Variants in TNC observed in about 807,000 individuals in gnomAD.
TNC encodes tenascin C.
In TNC, 109 loss-of-function variants were observed where a neutral mutation model predicts 202.4. The ratio of observed to expected loss-of-function variants is 0.54; its 90% confidence interval spans 0.46 to 0.63. The LOEUF (loss-of-function observed/expected upper bound fraction) is 0.63. Ranked by LOEUF, TNC falls within the 30% of genes least tolerant of loss-of-function variation. TNC has a pLI of 0.00. For synonymous variants in TNC, 1,007 were observed against 1,089.7 expected (o/e 0.92, Z 1.50); for missense variants, 2,756 against 2,833.3 (o/e 0.97, Z 0.62).
At chr9:115,034,111 A>G (rs545301870) in intron 22 of TNC, among the ~76,000 whole-genome samples, 3 of 152,218 alleles carry the variant, frequency 2.0e-5, no homozygotes, top group Non-Finnish European at 4.4e-5. Flanking sequence ...TTCAGATGGT[A>G]GGCTGAGGTT....
chr9:115,047,257 T>G lies in TNC; in HGVS notation c.4853-575A>C, dbSNP rs556094267. ...ACCCTTGACTTTTTTTTTTTTTTTT[T>G]GCATTCTTTCTTGTTATTTTATTAA... is the stretch of plus-strand genomic sequence containing the variant. On this transcript the variant is annotated intron_variant, in intron 16 of 27. Coordinates refer to ENST00000350763, the MANE Select transcript of TNC (RefSeq NM_002160.4). Among the ~76,000 whole-genome samples the G allele has an allele frequency of 1.6e-4, 24 of 149,892 alleles. No homozygotes were observed. In the South Asian group the frequency reaches 5.0e-3, roughly 31 times the overall value.
At chr9:115,035,100 A>G (rs1830218162) in intron 22 of TNC, 104 bp downstream of exon 22, 2 of 1,349,542 alleles carry the variant, frequency 1.5e-6, no homozygotes, top group African/African-American at 1.5e-5. Context: ...TCAGCTCCCC[A>G]GATGCACTGG....
chr9:115,064,519 CACAATTAG>C, intron 11 of TNC, 120 bp downstream of exon 11: 1 of 1,232,526 alleles, frequency 8.1e-7, no homozygotes, highest in South Asian at 1.5e-5. Flanking sequence ...GGCCTCGTGT[CACAATTAG>C]ACCCCATAGA....
Position 115,090,623 on chromosome 9 carries a change from C to A in TNC, c.396G>T (p.Leu132=). 4 of 1,608,896 alleles carry A rather than the reference C, an allele frequency of 2.5e-6. No individual in the cohort carries two copies. Among genetic ancestry groups the A allele is most frequent in the South Asian group, 2.2e-5 (2 of 90,350 alleles). Residue 132 remains leucine, a synonymous_variant, in exon 2 of 28, where the codon CTG becomes CTT. Coordinates refer to ENST00000350763, the MANE Select transcript of TNC (RefSeq NM_002160.4). ...TACATTGCTCCCTCAGGGAAGACAC[C>A]AGGTTCTCCAGCTCCTCCAGTCTGC... ...LLSRLEELEN[L]VSSLREQCTA...
intron 6 of TNC, 119 bp downstream of exon 6, chr9:115,081,652 TA>T: frequency 1.6e-6 from 2 of 1,212,296 alleles, no homozygotes; most frequent in Admixed American, 2.1e-5. Flanking sequence ...TCTGGATTTT[TA>T]AAAATGCAGC....
At chr9:115,060,258 C>T (rs778492098) in intron 13 of TNC, among the ~76,000 whole-genome samples, 2 of 152,098 alleles carry the variant, frequency 1.3e-5, no homozygotes, top group Non-Finnish European at 2.9e-5. Context: ...AATGCACAAC[C>T]CACCGGGAGC....
intron 2 of TNC, among the ~76,000 whole-genome samples, chr9:115,087,879 A>AT (rs1399428188): frequency 2.7e-5 from 4 of 150,896 alleles, no homozygotes; most frequent in East Asian, 3.9e-4. Context: ...TTTTTTTTGC[A>AT]TTTTTTGTAG....
At chr9:115,062,877 G>A (rs1192353000) in intron 13 of TNC, 40 bp downstream of exon 13, 2 of 1,586,542 alleles carry the variant, frequency 1.3e-6, no homozygotes, top group African/African-American at 1.3e-5. Flanking sequence ...TGACATGCTG[G>A]CTCCTATCAT....
intron 1 of TNC, among the ~76,000 whole-genome samples, chr9:115,117,500 C>T (rs1189304654): frequency 2.0e-5 from 3 of 152,200 alleles, no homozygotes; most frequent in Admixed American, 2.0e-4. Context: ...GGGTACAAAA[C>T]TCTTTGTAAA....
intron 1 of TNC, among the ~76,000 whole-genome samples, chr9:115,117,341 G>T (rs1837543893): frequency 6.6e-6 from 1 of 152,152 alleles, no homozygotes; most frequent in South Asian, 2.1e-4. Flanking sequence ...CATGTGGGAC[G>T]CTGCTGGCTC....
intron 4 of TNC, 81 bp from the exon 5 acceptor site, chr9:115,082,888 G>A: frequency 1.1e-6 from 1 of 932,774 alleles, no homozygotes. Flanking sequence ...CACTAAACCA[G>A]ACTGGATGTC....
At chr9:115,035,507 G>T (rs916480282) in intron 21 of TNC, among the ~76,000 whole-genome samples, 173 bp from the exon 22 acceptor site, 1 of 152,196 alleles carries the variant, frequency 6.6e-6, no homozygotes, top group Admixed American at 6.5e-5. Flanking sequence ...GATCTCCAAA[G>T]ACAAATTCTC....
rs146817666 is a variant in TNC, at chr9:115,026,636, G to A, written c.6229C>T (p.Arg2077Trp). The change falls in exon 26 of 28, where the codon CGG (arginine) becomes TGG (tryptophan). Residue 2077 changes from arginine to tryptophan, a missense_variant. Transcript: ENST00000350763. ...QGQYELRVDL[R>W]DHGETAFAVY... is the part of the protein sequence containing the mutation. The stretch of plus-strand genomic sequence containing the variant: ...GCAAAGGCTGTCTCCCCATGGTCCC[G>A]CAGGTCCACCCGGAGCTCGTACTGC... 3.1e-5 allele frequency: 50 copies of A among 1,613,748 alleles called. No individual in the cohort carries two copies. The highest frequency in any genetic ancestry group is 6.7e-5 in the African/African-American group (5 of 74,850).
intron 1 of TNC, among the ~76,000 whole-genome samples, chr9:115,104,107 T>C (rs1293923375): frequency 6.6e-6 from 1 of 152,230 alleles, no homozygotes; most frequent in African/African-American, 2.4e-5. Context: ...TCTGGACAAG[T>C]GGCAACAATA....
At chr9:115,040,493 T>C (rs1271256113) in intron 19 of TNC, among the ~76,000 whole-genome samples, 3 of 152,178 alleles carry the variant, frequency 2.0e-5, no homozygotes, top group Admixed American at 1.3e-4. Flanking sequence ...ACATGAACAA[T>C]TGTATTTCAG....
At chr9:115,085,810 T>G (rs954414619) in intron 3 of TNC, 54 bp downstream of exon 3, 127 of 1,506,284 alleles carry the variant, frequency 8.4e-5, no homozygotes, top group Non-Finnish European at 1.1e-4. Flanking sequence ...CAACCCATAC[T>G]AGGAGTCCAC....
chr9:115,028,820 CTTT>C (rs987005855), intron 25 of TNC, among the ~76,000 whole-genome samples: 9 of 146,486 alleles, frequency 6.1e-5, no homozygotes, highest in African/African-American at 2.3e-4. Flanking sequence ...TGTCATTCTG[CTTT>C]TTTCTTTTTT....
intron 22 of TNC, among the ~76,000 whole-genome samples, chr9:115,031,941 C>T (rs965144135): frequency 2.0e-5 from 3 of 152,030 alleles, no homozygotes; most frequent in African/African-American, 7.2e-5. Flanking sequence ...AGGGAGAGAC[C>T]GCATCTGGTA....
intron 10 of TNC, among the ~76,000 whole-genome samples, chr9:115,067,395 C>T (rs1315627212): frequency 1.3e-5 from 2 of 152,256 alleles, no homozygotes; most frequent in African/African-American, 4.8e-5. Context: ...TCATTGACAA[C>T]GTACCCCTTC....
Sources: gnomAD v4.1 joint callset for allele counts (sites outside exome capture counted in the v4.1 genomes callset) on GRCh38, gnomAD v4.1.1 for gene constraint, MANE v1.5 for transcripts, NCBI Gene and HGNC (gene_info 2026-07-23, HGNC 2026-07-21) for gene names.